SEC24D: variants seen among roughly 807,000 people sequenced by gnomAD.
The protein encoded by SEC24D is SEC24 homolog D, COPII component.
Under a neutral mutation model 116.9 loss-of-function variants are expected in SEC24D, and 69 were observed. The observed-to-expected ratio is 0.59, with a 90% CI of 0.49 to 0.72. SEC24D has a LOEUF of 0.72. Ranked by LOEUF, SEC24D falls within the 30% of genes least tolerant of loss-of-function variation. SEC24D has a pLI of 0.00. For missense variants in SEC24D, 1,131 were observed against 1,264.1 expected (o/e 0.89, Z 1.60); for synonymous variants, 405 against 442.8 (o/e 0.91, Z 1.07).
chr4:118,728,438 A>C lies in SEC24D; in HGVS notation c.2958+123T>G, dbSNP rs112278662. On this transcript the variant is annotated intron_variant, in intron 22 of 22. Transcript: ENST00000280551. The stretch of plus-strand genomic sequence containing the variant: ...GAGGTTTTTTTAACTTTTATTTTAG[A>C]TTTGTGATGGTGTGAGTTTTTAAAA... 3,450 of 618,804 alleles carry C rather than the reference A, an allele frequency of 5.6e-3. 76 individuals are homozygous for C. In the African/African-American group the frequency reaches 0.057, roughly 10 times the overall value. The allele number at this position is 618,804 out of a possible 1,614,324, so 38.3% of individuals were successfully genotyped here. A position where few individuals can be genotyped will look rare whatever the true frequency, so the allele number is the denominator to read the frequency against.
intron 2 of SEC24D, among the ~76,000 whole-genome samples, chr4:118,827,971 C>G (rs936057796): frequency 6.6e-6 from 1 of 152,008 alleles, no homozygotes; most frequent in African/African-American, 2.4e-5. Flanking sequence ...CTAAAATAAA[C>G]AAAGATAAGC....
chr4:118,772,769 C>T (rs1204256351), intron 8 of SEC24D, among the ~76,000 whole-genome samples: 2 of 152,184 alleles, frequency 1.3e-5, no homozygotes, highest in African/African-American at 4.8e-5. Flanking sequence ...CACGGCAGTA[C>T]ACTGCGATGA....
rs529465858 is a variant in SEC24D, at chr4:118,814,594, T to A, written c.801+434A>T. 4.6e-5 allele frequency among the ~76,000 whole-genome samples: 7 copies of A among 152,302 alleles called. No homozygotes were observed. The South Asian group carries it at 6.2e-4, about 14-fold the overall frequency. Reference sequence around the variant, plus strand: ...AGTTCTAACTTTACATTAAAAAAAATTTGTTTTTTTATTGTGCAAGATGTA... The same window carrying A: ...AGTTCTAACTTTACATTAAAAAAAAATTGTTTTTTTATTGTGCAAGATGTA... On this transcript the variant is annotated intron_variant, in intron 6 of 22. Transcript: ENST00000280551.
chr4:118,764,906 A>G lies in SEC24D; in HGVS notation c.1192T>C (p.Tyr398His). 1 of 1,588,360 alleles carries G rather than the reference A, an allele frequency of 6.3e-7. No homozygotes were observed. The highest frequency in any genetic ancestry group is 8.6e-7 in the Non-Finnish European group (1 of 1,157,648). ...CCAATGTGGTCCAGATGTTGGAAAT[A>G]GAATGGTGGAACTAATAAAAACAAA... ...CNCVNDVPPF[Y>H]FQHLDHIGRR... Residue 398 changes from tyrosine (Y) to histidine (H), a missense_variant, in exon 10 of 23, where the codon TAT becomes CAT. Physicochemically the swap from Tyr to His is moderately conservative, Grantham distance 83. Transcript: ENST00000280551.
chr4:118,800,674 C>T (rs1433450180), intron 7 of SEC24D, among the ~76,000 whole-genome samples: 2 of 152,136 alleles, frequency 1.3e-5, no homozygotes, highest in South Asian at 2.1e-4. Flanking sequence ...GCAGCCAATG[C>T]GCTAGACATC....
At chr4:118,754,436 T>C (rs1726983102) in intron 11 of SEC24D, among the ~76,000 whole-genome samples, 1 of 152,114 alleles carries the variant, frequency 6.6e-6, no homozygotes, top group African/African-American at 2.4e-5. Context: ...CAATTAGAAG[T>C]CATTTCCTCT....
At chr4:118,806,324 TTTTA>T (rs894673201) in intron 6 of SEC24D, among the ~76,000 whole-genome samples, 12 of 152,082 alleles carry the variant, frequency 7.9e-5, no homozygotes, top group African/African-American at 1.4e-4. Context: ...TTTCTTTCTT[TTTTA>T]TTTATTTATT....
In SEC24D at chr4:118,740,763, GTGT is replaced by G; in HGVS notation, c.2135_2137del (p.Asn712del). On this transcript the variant is annotated inframe_deletion, in exon 17 of 23. Transcript: ENST00000280551. ...GATGGCAGCCATTTCTACATCGGTG[GTGT>G]TGTTCATCAAGATTCCACCAAAGAA... 6.2e-7 allele frequency: 1 copy of G among 1,613,936 alleles called. No individual in the cohort carries two copies. Among genetic ancestry groups the G allele is most frequent in the South Asian group, 1.1e-5 (1 of 91,078 alleles).
intron 3 of SEC24D, among the ~76,000 whole-genome samples, chr4:118,817,673 A>T (rs927688657): frequency 6.6e-6 from 1 of 152,182 alleles, no homozygotes; most frequent in Non-Finnish European, 1.5e-5. Context: ...CAGTTCTGGA[A>T]ATCAATTTGG....
At chr4:118,738,106 G>T in intron 19 of SEC24D, 155 bp downstream of exon 19, 3 of 529,600 alleles carry the variant, frequency 5.7e-6, no homozygotes, top group Non-Finnish European at 6.7e-6. Flanking sequence ...AAAAACCACA[G>T]CCCCCCCAAA....
Position 118,801,131 on chromosome 4 carries a change from G to A in SEC24D, c.914-3321C>T, listed in dbSNP as rs529590245. Among the ~76,000 whole-genome samples, 76 of 151,396 alleles carry A rather than the reference G, an allele frequency of 5.0e-4. 1 individual carries two copies. In the South Asian group the frequency reaches 6.9e-3, roughly 14 times the overall value. On this transcript the variant is annotated intron_variant, in intron 7 of 22. Coordinates refer to ENST00000280551, the MANE Select transcript of SEC24D (RefSeq NM_014822.4). ...AAAAAAATCAGCCGGGCATGGTGGC[G>A]GGCACCTGTAGTCCCAGCTACTCGG...
rs1730078802 is a variant in SEC24D, at chr4:118,815,045, C to A, written c.784G>T (p.Asp262Tyr). 1 of 1,614,128 alleles carries A rather than the reference C, an allele frequency of 6.2e-7. No homozygotes were observed. The highest frequency in any genetic ancestry group is 1.1e-5 in the South Asian group (1 of 91,062). Reference protein sequence around the residue: ...PPQPQKKLDPDSIPSPIQVIE... With the variant: ...PPQPQKKLDPYSIPSPIQVIE... Reference sequence around the variant, plus strand: ...GTACTTACTGGGCTAGGGATAGAGTCAGGATCCAGCTTCTTCTGGGGCTGT... The same window carrying A: ...GTACTTACTGGGCTAGGGATAGAGTAAGGATCCAGCTTCTTCTGGGGCTGT... The change falls in exon 6 of 23, where the codon GAC becomes TAC. Residue 262 changes from aspartate (D) to tyrosine (Y), a missense_variant. By Grantham distance (160) the Asp-to-Tyr change is radical. Coordinates refer to ENST00000280551, the MANE Select transcript of SEC24D (RefSeq NM_014822.4).
intron 8 of SEC24D, among the ~76,000 whole-genome samples, chr4:118,792,427 G>A (rs537139667): frequency 5.9e-5 from 9 of 152,338 alleles, no homozygotes; most frequent in Admixed American, 1.3e-4. Flanking sequence ...CCTAAATGAC[G>A]ATGGCGATTT....
intron 6 of SEC24D, among the ~76,000 whole-genome samples, chr4:118,808,299 T>C (rs1729759844): frequency 6.6e-6 from 1 of 152,146 alleles, no homozygotes; most frequent in Non-Finnish European, 1.5e-5. Context: ...ATTGCAATCA[T>C]TTCAACCAAC....
Position 118,768,366 on chromosome 4 carries a change from C to T in SEC24D, c.1042-55G>A, listed in dbSNP as rs971309741. The T allele has an allele frequency of 1.9e-5, 24 of 1,277,160 alleles. No individual in the cohort carries two copies. In the Admixed American group the frequency reaches 2.3e-4, roughly 12 times the overall value. The allele number at this position is 1,277,160 out of a possible 1,614,324, so 79.1% of individuals were successfully genotyped here. ...CAGGTGAGTATAGGATTTCTAGGTACTATAATTTGGGAAGTCTTTTAATGG... is the reference window on the plus strand; with the variant it reads ...CAGGTGAGTATAGGATTTCTAGGTATTATAATTTGGGAAGTCTTTTAATGG... On this transcript the variant is annotated intron_variant, in intron 8 of 22. Coordinates refer to ENST00000280551, the MANE Select transcript of SEC24D (RefSeq NM_014822.4).
At chr4:118,743,354 T>TAC (rs772338539) in intron 15 of SEC24D, among the ~76,000 whole-genome samples, 23 of 115,778 alleles carry the variant, frequency 2.0e-4, no homozygotes, top group Non-Finnish European at 2.7e-4. Flanking sequence ...TATATATATA[T>TAC]ATACACACAC....
At chr4:118,782,987 GT>G (rs1315943607) in intron 8 of SEC24D, among the ~76,000 whole-genome samples, 1 of 152,144 alleles carries the variant, frequency 6.6e-6, no homozygotes, top group East Asian at 1.9e-4. Flanking sequence ...GGGATGTTCC[GT>G]TTTCTCCAGG....
At chr4:118,733,576 A>G (rs745806252) in intron 19 of SEC24D, among the ~76,000 whole-genome samples, 203 of 152,322 alleles carry the variant, frequency 1.3e-3, no homozygotes, top group Non-Finnish European at 3.4e-4. Context: ...GGCATAGTCC[A>G]TGTTGTAAGA....
chr4:118,816,051 A>T (rs911509167), intron 4 of SEC24D, among the ~76,000 whole-genome samples: 1 of 151,244 alleles, frequency 6.6e-6, no homozygotes, highest in East Asian at 1.9e-4. Context: ...CCTCCCAAGT[A>T]ACTGAGACTA....
Sources: allele counts gnomAD v4.1 joint callset (sites outside exome capture counted in the v4.1 genomes callset), GRCh38; gene constraint gnomAD v4.1.1; transcripts MANE v1.5; gene names NCBI Gene and HGNC (gene_info 2026-07-23, HGNC 2026-07-21).